DMPK: variants seen among roughly 807,000 people sequenced by gnomAD.
DMPK encodes DM1 protein kinase.
Under a neutral mutation model 70.3 loss-of-function variants are expected in DMPK, and 32 were observed. That is an observed-to-expected ratio of 0.46 (90% CI 0.34 to 0.61). The LOEUF (loss-of-function observed/expected upper bound fraction) is 0.61, where lower values mean the gene tolerates loss of function less well. Ranked by LOEUF, DMPK falls within the 20% of genes least tolerant of loss-of-function variation. DMPK has a pLI of 0.01. For missense variants in DMPK, 899 were observed against 886.0 expected (o/e 1.01, Z -0.19); for synonymous variants, 469 against 390.9 (o/e 1.20, Z -2.36).
Position 45,778,500 on chromosome 19 carries a change from C to A in DMPK, c.574G>T (p.Val192Leu), listed in dbSNP as rs145330026. ...CGGCCATGCTGCACCCACCTGTGCACGTAGCCAAGCCGGTGCACCGAGTCT... is the reference window on the plus strand; with the variant it reads ...CGGCCATGCTGCACCCACCTGTGCAAGTAGCCAAGCCGGTGCACCGAGTCT... ...AIDSVHRLGY[V>L]HRDIKPDNIL... Residue 192 changes from valine (V) to leucine (L), a missense_variant, in exon 5 of 15, where the codon GTG becomes TTG. Coordinates refer to ENST00000291270, the MANE Select transcript of DMPK (RefSeq NM_004409.5). The A allele has an allele frequency of 6.2e-7, 1 of 1,613,632 alleles. No homozygotes were observed. The highest frequency in any genetic ancestry group is 1.3e-5 in the African/African-American group (1 of 75,050).
Position 45,771,647 on chromosome 19 carries a change from C to T in DMPK, c.1521G>A (p.Glu507=). The T allele has an allele frequency of 6.2e-7, 1 of 1,614,046 alleles. No individual in the cohort carries two copies. Among genetic ancestry groups the T allele is most frequent in the Non-Finnish European group, 8.5e-7 (1 of 1,179,952 alleles). ...QNFASQLREA[E]ARNRDLEAHV... Reference sequence around the variant, plus strand: ...GTGCCTCTAGGTCCCGGTTCCGAGCCTCTGCCTCGCGTAGTTGACTGTGGG... The same window carrying T: ...GTGCCTCTAGGTCCCGGTTCCGAGCTTCTGCCTCGCGTAGTTGACTGTGGG... Residue 507 remains glutamate (E), a synonymous_variant, in exon 12 of 15, where the codon GAG becomes GAA. Coordinates refer to ENST00000291270, the MANE Select transcript of DMPK (RefSeq NM_004409.5).
At chr19:45,771,512 G>A (rs1394408887) in intron 12 of DMPK, 56 bp downstream of exon 12, 1 of 1,612,032 alleles carries the variant, frequency 6.2e-7, no homozygotes, top group Non-Finnish European at 8.5e-7. Flanking sequence ...GCCCCGCGGA[G>A]CAGACGGCCC....
intron 10 of DMPK, 116 bp downstream of exon 10, chr19:45,772,525 T>A (rs1278881996): frequency 1.6e-6 from 1 of 607,614 alleles, no homozygotes; most frequent in Non-Finnish European, 2.8e-6. Flanking sequence ...CCGTGGTTTC[T>A]GTCTGCTTCT....
chr19:45,771,172 G>C (rs762517214), intron 13 of DMPK, 112 bp from the exon 14 acceptor site: 5 of 1,175,602 alleles, frequency 4.3e-6, no homozygotes, highest in Non-Finnish European at 5.9e-6. Context: ...GGAGATCCCG[G>C]AGGGAATCTG....
At chr19:45,771,115 T>G (rs1394589547) in intron 13 of DMPK, 55 bp from the exon 14 acceptor site, 4 of 1,396,978 alleles carry the variant, frequency 2.9e-6, no homozygotes, top group Non-Finnish European at 3.9e-6. Context: ...CCCTCAGCGG[T>G]GGGGCGAGAG....
chr19:45,780,119 G>C, intron 1 of DMPK: 1 of 1,456,328 alleles, frequency 6.9e-7, no homozygotes, highest in Non-Finnish European at 9.1e-7. Flanking sequence ...AGGGCTCCAA[G>C]GGTGTGCAGG....
Position 45,779,271 on chromosome 19 carries a change from T to C in DMPK, c.425A>G (p.Asn142Ser). ...CCCCGGCCCGGAGCTCACCAGGTAG[T>C]TCTCATCCTGGAAGGCGAAGTGCAG... ...TQLHFAFQDE[N>S]YLYLVMEYYV... The change falls in exon 4 of 15, where the codon AAC becomes AGC. Residue 142 changes from asparagine to serine, a missense_variant. Physicochemically the swap from Asn to Ser is conservative, Grantham distance 46. Around this residue, in one of 3 missense-constraint regions of DMPK, gnomAD observed 195 missense variants for 259.7 expected, o/e 0.75. Transcript: ENST00000291270. The C allele has an allele frequency of 1.2e-6, 2 of 1,613,830 alleles. No homozygotes were observed. The highest frequency in any genetic ancestry group is 1.7e-6 in the Non-Finnish European group (2 of 1,179,846).
At chr19:45,771,138 A>G in intron 13 of DMPK, 78 bp from the exon 14 acceptor site, 1 of 1,268,294 alleles carries the variant, frequency 7.9e-7, no homozygotes, top group Non-Finnish European at 1.1e-6. Context: ...AGCGAGGGGA[A>G]TCGAGGTTGG....
chr19:45,776,778 T>C (rs1341149718), intron 8 of DMPK: 1 of 153,032 alleles, frequency 6.5e-6, no homozygotes, highest in Admixed American at 6.5e-5. Context: ...TTTTCTTGTA[T>C]CCTGTTGCTT....
Position 45,770,297 on chromosome 19 carries a change from T to G in DMPK, c.*191A>C. On this transcript the variant is annotated 3_prime_UTR_variant, in exon 15 of 15. Coordinates refer to ENST00000291270, the MANE Select transcript of DMPK (RefSeq NM_004409.5). ...GGCTACAAGGACCCTTCGAGCCCCG[T>G]TCGCCGGCCGCGGACCCGGCCCCTC... 2.5e-6 allele frequency: 2 copies of G among 784,970 alleles called. No individual in the cohort carries two copies. The highest frequency in any genetic ancestry group is 4.1e-6 in the Non-Finnish European group (2 of 492,504). The allele number at this position is 784,970 out of a possible 1,614,324, so 48.6% of individuals were successfully genotyped here. A position where few individuals can be genotyped will look rare whatever the true frequency, so the allele number is the denominator to read the frequency against.
intron 8 of DMPK, among the ~76,000 whole-genome samples, chr19:45,775,701 A>T (rs1220914146): frequency 3.6e-5 from 4 of 110,508 alleles, no homozygotes; most frequent in Non-Finnish European, 7.8e-5. Flanking sequence ...TATTTTTAGT[A>T]GACACAGGGT....
chr19:45,770,975 G>C lies in DMPK; in HGVS notation c.1733C>G (p.Ala578Gly). ...GGCGTGGGCAGCCGGACGTACCCTG[G>C]CAGGGAGCAGCAGGTGGCGGCGGTG... ...PMHRRHLLLP[A>G]RVPRPGLSEA... Residue 578 changes from alanine (A) to glycine (G), a missense_variant, in exon 14 of 15, where the codon GCC (alanine) becomes GGC (glycine). Ala to Gly is a moderately conservative substitution (Grantham distance 60). Around this residue, in one of 3 missense-constraint regions of DMPK, gnomAD observed 555 missense variants for 483.8 expected, o/e 1.15. Coordinates refer to ENST00000291270, the MANE Select transcript of DMPK (RefSeq NM_004409.5). 7.0e-7 allele frequency: 1 copy of C among 1,426,802 alleles called. No homozygotes were observed. Among genetic ancestry groups the C allele is most frequent in the Non-Finnish European group, 9.1e-7 (1 of 1,095,270 alleles). The allele number at this position is 1,426,802 out of a possible 1,614,324, so 88.4% of individuals were successfully genotyped here. A position where few individuals can be genotyped will look rare whatever the true frequency, so the allele number is the denominator to read the frequency against.
At chr19:45,771,433 GGGCGAAGGAGGGCGGTGGCGC>G in intron 12 of DMPK, 37 bp from the exon 13 acceptor site, 2 of 1,610,976 alleles carry the variant, frequency 1.2e-6, no homozygotes, top group South Asian at 2.2e-5. Flanking sequence ...GCGCGTGGAG[GGGCGAAGGAGGGCGGTGGCGC>G]GGCGTGCCCC....
intron 9 of DMPK, among the ~76,000 whole-genome samples, chr19:45,773,057 C>G (rs971587561): frequency 6.6e-6 from 1 of 152,190 alleles, no homozygotes; most frequent in Admixed American, 6.5e-5. Context: ...GACATGTGAC[C>G]GCTGCAGACC....
chr19:45,775,094 G>C (rs1969707018), intron 8 of DMPK, 60 bp from the exon 9 acceptor site: 2 of 1,377,332 alleles, frequency 1.5e-6, no homozygotes, highest in Admixed American at 3.7e-5. Flanking sequence ...ACTGCTTTTT[G>C]ATCTTGGCTT....
Position 45,769,823 on chromosome 19 carries a change from C to T in DMPK, c.*665G>A, listed in dbSNP as rs906563031. 2.3e-5 allele frequency: 5 copies of T among 215,810 alleles called. No homozygotes were observed. The highest frequency in any genetic ancestry group is 1.2e-4 in the African/African-American group (5 of 42,142). The allele number at this position is 215,810 out of a possible 1,614,324, so 13.4% of individuals were successfully genotyped here. A position where few individuals can be genotyped will look rare whatever the true frequency, so the allele number is the denominator to read the frequency against. On this transcript the variant is annotated 3_prime_UTR_variant, in exon 15 of 15. Coordinates refer to ENST00000291270, the MANE Select transcript of DMPK (RefSeq NM_004409.5). ...TGTCGGGGTCTCAGTGCATCCAAAA[C>T]GTGGATTGGGGTTGTTGGGGGTCCT...
intron 8 of DMPK, among the ~76,000 whole-genome samples, chr19:45,776,326 G>A (rs1969772358): frequency 8.4e-6 from 1 of 118,560 alleles, no homozygotes; most frequent in African/African-American, 3.0e-5. Context: ...TGTATTTTTA[G>A]GAGAGATGGG....
At position 45,782,476 on chromosome 19, in the gene DMPK, C is replaced by T; in HGVS notation, c.-124G>A. On this transcript the variant is annotated 5_prime_UTR_variant, in exon 1 of 15. Transcript: ENST00000291270. ...TGCATGTCTGCCTGTCCCTGGCTGT[C>T]CCCTGGGCCTCTCTGGCCACTTCTC... 1.8e-6 allele frequency: 2 copies of T among 1,135,706 alleles called. No homozygotes were observed. Among genetic ancestry groups the T allele is most frequent in the South Asian group, 1.7e-5 (1 of 59,830 alleles). 70.4% of individuals were successfully genotyped at this position (1,135,706 alleles called of 1,614,324 possible). A position where few individuals can be genotyped will look rare whatever the true frequency, so the allele number is the denominator to read the frequency against.
chr19:45,780,340 G>A (rs374088757), intron 1 of DMPK: 1 of 1,538,490 alleles, frequency 6.5e-7, no homozygotes, highest in Non-Finnish European at 8.8e-7. Flanking sequence ...TTCAGATGCA[G>A]GTGGTTCTTG....
Sources: gnomAD v4.1 joint callset for allele counts (sites outside exome capture counted in the v4.1 genomes callset) on GRCh38, gnomAD v4.1.1 for gene constraint, gnomAD v4.1.1 regional missense constraint, MANE v1.5 for transcripts, NCBI Gene and HGNC (gene_info 2026-07-23, HGNC 2026-07-21) for gene names.